Variants in PCED1B observed in about 807,000 individuals in gnomAD.
The protein encoded by PCED1B is PC-esterase domain containing 1B.
For synonymous variants in PCED1B, 251 were observed against 246.1 expected (o/e 1.02, Z -0.19); for missense variants, 573 against 573.9 (o/e 1.00, Z 0.02).
intron 2 of PCED1B, among the ~76,000 whole-genome samples, chr12:47,106,769 CT>C (rs990830318): frequency 8.5e-5 from 13 of 152,272 alleles, no homozygotes; most frequent in African/African-American, 1.7e-4. Flanking sequence ...AGAGCATGTT[CT>C]TTTTCTTTTT....
chr12:47,159,433 A>G (rs114527757), intron 2 of PCED1B, among the ~76,000 whole-genome samples: 3,653 of 152,044 alleles, frequency 0.024, 117 homozygotes, highest in African/African-American at 0.07. Context: ...TTTGATAATA[A>G]CTATTCTAAT....
At chr12:47,089,061 A>C (rs1318692313) in intron 1 of PCED1B, among the ~76,000 whole-genome samples, 2 of 152,130 alleles carry the variant, frequency 1.3e-5, no homozygotes, top group African/African-American at 4.8e-5. Context: ...CGTCTTTATA[A>C]CATTGACTTA....
At chr12:47,098,641 C>T (rs944402226) in intron 1 of PCED1B, among the ~76,000 whole-genome samples, 4 of 152,134 alleles carry the variant, frequency 2.6e-5, no homozygotes, top group Non-Finnish European at 4.4e-5. Context: ...CGCCACCACG[C>T]CCGGCTAATT....
chr12:47,127,710 CT>C (rs1238340921), intron 2 of PCED1B, among the ~76,000 whole-genome samples: 3 of 152,020 alleles, frequency 2.0e-5, no homozygotes, highest in Admixed American at 6.6e-5. Context: ...AAATAGTATA[CT>C]TTATAAAACT....
chr12:47,129,722 A>G (rs1592176438), intron 2 of PCED1B, among the ~76,000 whole-genome samples: 1 of 152,176 alleles, frequency 6.6e-6, no homozygotes, highest in Admixed American at 6.5e-5. Context: ...TCCTAGTCCA[A>G]TCACCTGTGA....
At chr12:47,169,039 T>C (rs1446145052) in intron 2 of PCED1B, among the ~76,000 whole-genome samples, 1 of 152,216 alleles carries the variant, frequency 6.6e-6, no homozygotes, top group Non-Finnish European at 1.5e-5. Context: ...TTCTCACTTC[T>C]AGGTTGTTTG....
Position 47,135,088 on chromosome 12 carries a change from G to C in PCED1B, c.-526+30893G>C, listed in dbSNP as rs567954305. Among the ~76,000 whole-genome samples the C allele has an allele frequency of 5.9e-5, 9 of 152,202 alleles. No homozygotes were observed. The East Asian group carries it at 1.7e-3, about 29-fold the overall frequency. ...TAACTTTATTTCACCAATCTCTACT[G>C]ATAGGAATTGGTCATTTAGTTTGTT... On this transcript the variant is annotated intron_variant, in intron 2 of 3. Transcript: ENST00000546455.
intron 2 of PCED1B, among the ~76,000 whole-genome samples, chr12:47,175,897 CT>C (rs1278951627): frequency 9.7e-4 from 138 of 142,874 alleles, no homozygotes; most frequent in Non-Finnish European, 9.2e-4. Flanking sequence ...AATTTTATTT[CT>C]TTTTTTTTTT....
intron 2 of PCED1B, among the ~76,000 whole-genome samples, chr12:47,203,216 T>C (rs919010053): frequency 1.3e-5 from 2 of 152,124 alleles, no homozygotes; most frequent in African/African-American, 4.8e-5. Flanking sequence ...ATGATCCACC[T>C]GCCTCGGCCT....
Position 47,151,292 on chromosome 12 carries a change from G to GA in PCED1B, c.-526+47100dup, listed in dbSNP as rs533611196. On this transcript the variant is annotated intron_variant, in intron 2 of 3. Coordinates refer to ENST00000546455, the MANE Select transcript of PCED1B (RefSeq NM_138371.3). Reference sequence around the variant, plus strand: ...TCTACATTTAAATATATTTAGATACGAAAGTACTTTACCATTGTATTACAC... The same window carrying GA: ...TCTACATTTAAATATATTTAGATACGAAAAGTACTTTACCATTGTATTACAC... Among the ~76,000 whole-genome samples the GA allele has an allele frequency of 3.6e-3, 542 of 152,104 alleles. 4 individuals carry two copies. The highest frequency in any genetic ancestry group is 0.013 in the African/African-American group (520 of 41,496).
chr12:47,200,367 G>C (rs938336740), intron 2 of PCED1B, among the ~76,000 whole-genome samples: 11 of 152,100 alleles, frequency 7.2e-5, no homozygotes, highest in African/African-American at 2.7e-4. Context: ...ATATCATTAG[G>C]GAATTACGAA....
intron 2 of PCED1B, among the ~76,000 whole-genome samples, chr12:47,192,681 A>G (rs568944840): frequency 6.6e-6 from 1 of 152,308 alleles, no homozygotes; most frequent in African/African-American, 2.4e-5. Context: ...AGTCCATCAG[A>G]GCTGACTGAC....
chr12:47,115,667 T>A (rs1334677232), intron 2 of PCED1B, among the ~76,000 whole-genome samples: 1 of 152,236 alleles, frequency 6.6e-6, no homozygotes, highest in Non-Finnish European at 1.5e-5. Flanking sequence ...AGTCTCCTTA[T>A]CTTAGAGATT....
chr12:47,130,994 T>G (rs1940100796), intron 2 of PCED1B, among the ~76,000 whole-genome samples: 1 of 152,200 alleles, frequency 6.6e-6, no homozygotes, highest in Non-Finnish European at 1.5e-5. Flanking sequence ...CAGTGCATAC[T>G]TGTATTTTAA....
chr12:47,236,402 G>A lies in PCED1B; in HGVS notation c.*40G>A. The stretch of plus-strand genomic sequence containing the variant: ...TATTTCCTCTTTATGAACATGGATT[G>A]GACAGATCTGACACTTCCTTTCCAT... On this transcript the variant is annotated 3_prime_UTR_variant, in exon 4 of 4. Coordinates refer to ENST00000546455, the MANE Select transcript of PCED1B (RefSeq NM_138371.3). 6.8e-7 allele frequency: 1 copy of A among 1,477,602 alleles called. No homozygotes were observed. The highest frequency in any genetic ancestry group is 9.0e-7 in the Non-Finnish European group (1 of 1,111,006). The allele number at this position is 1,477,602 out of a possible 1,614,324, so 91.5% of individuals were successfully genotyped here. A position where few individuals can be genotyped will look rare whatever the true frequency, so the allele number is the denominator to read the frequency against.
intron 2 of PCED1B, chr12:47,206,716 G>A (rs1214852397): frequency 6.6e-6 from 1 of 152,074 alleles, no homozygotes; most frequent in African/African-American, 2.4e-5. Context: ...AGACCAGCCT[G>A]GTCAATATAG....
intron 1 of PCED1B, among the ~76,000 whole-genome samples, chr12:47,089,491 T>TATATATATATATAG (rs1388678339): frequency 1.2e-5 from 1 of 84,042 alleles, no homozygotes; most frequent in African/African-American, 5.4e-5. Flanking sequence ...TATATATATA[T>TATATATATATATAG]ATGTATATAC....
chr12:47,088,471 G>A lies in PCED1B; in HGVS notation c.-609+8746G>A, dbSNP rs375264844. On this transcript the variant is annotated intron_variant, in intron 1 of 3. Transcript: ENST00000546455. ...TCTCAAAACCCCTGGGGACTCGAAG[G>A]TGGCATGTTGTGGGGAGCAACCTCA... 9.9e-5 allele frequency among the ~76,000 whole-genome samples: 15 copies of A among 152,204 alleles called. 1 individual carries two copies. In the East Asian group the frequency reaches 1.2e-3, roughly 12 times the overall value.
chr12:47,115,329 T>A (rs1344932057), intron 2 of PCED1B, among the ~76,000 whole-genome samples: 1 of 152,184 alleles, frequency 6.6e-6, no homozygotes, highest in East Asian at 1.9e-4. Context: ...TTCTCACTCC[T>A]GCTATTGTGG....
Sources: allele counts gnomAD v4.1 joint callset (sites outside exome capture counted in the v4.1 genomes callset), GRCh38; gene constraint gnomAD v4.1.1; transcripts MANE v1.5; gene names NCBI Gene and HGNC (gene_info 2026-07-23, HGNC 2026-07-21).